Variants in RALYL observed in about 807,000 individuals in gnomAD.
RALYL encodes the protein RALY RNA binding protein like.
RALYL carries 29 observed loss-of-function variants against 35.1 expected under a neutral mutation model. The ratio of observed to expected loss-of-function variants is 0.83; its 90% CI spans 0.61 to 1.13. The LOEUF is 1.13. Among genes scored for constraint, RALYL ranks in the 50% most tolerant of loss-of-function variants. RALYL has a pLI of 0.00. For missense variants in RALYL, 359 were observed against 360.4 expected, an observed-to-expected ratio of 1.00 and a Z score of 0.03; for synonymous variants, 120 against 127.6, an observed-to-expected ratio of 0.94 and a Z score of 0.40.
chr8:84,727,822 C>T (rs1221195634), intron 2 of RALYL, among the ~76,000 whole-genome samples: 1 of 151,966 alleles, frequency 6.6e-6, no homozygotes, highest in African/African-American at 2.4e-5. Context: ...TTTATGGCTG[C>T]ATAGTATTCC....
intron 2 of RALYL, among the ~76,000 whole-genome samples, chr8:84,714,848 A>G (rs770723272): frequency 1.6e-4 from 24 of 152,002 alleles, no homozygotes; most frequent in Non-Finnish European, 2.8e-4. Context: ...AGTTGGCATT[A>G]AAAGCATAGG....
At chr8:84,747,075 A>C (rs1288856889) in intron 2 of RALYL, among the ~76,000 whole-genome samples, 1 of 151,912 alleles carries the variant, frequency 6.6e-6, no homozygotes, top group Admixed American at 6.6e-5. Context: ...GCAAGAGATA[A>C]ATTTTCAGTG....
Position 84,865,285 on chromosome 8 carries a change from G to T in RALYL, c.571+2832G>T, listed in dbSNP as rs143114875. ...TTAATATTGAAATAATTTGAATAAA[G>T]ATTTACTAAGGTATATAGCTTGCTC... is the stretch of plus-strand genomic sequence containing the variant. On this transcript the variant is annotated intron_variant, in intron 6 of 8. Coordinates refer to ENST00000521268, the MANE Select transcript of RALYL (RefSeq NM_173848.7). Among the ~76,000 whole-genome samples, 110 of 152,236 alleles carry T rather than the reference G, an allele frequency of 7.2e-4. No individual in the cohort carries two copies. In the East Asian group the frequency reaches 0.021, roughly 29 times the overall value.
chr8:84,600,436 A>G (rs1358295552), intron 2 of RALYL, among the ~76,000 whole-genome samples: 1 of 152,104 alleles, frequency 6.6e-6, no homozygotes, highest in African/African-American at 2.4e-5. Context: ...TCTTGTGACC[A>G]TCCACTTTCT....
intron 1 of RALYL, among the ~76,000 whole-genome samples, chr8:84,396,869 C>A (rs894555216): frequency 3.9e-5 from 6 of 152,048 alleles, no homozygotes; most frequent in African/African-American, 1.4e-4. Context: ...TGTAAATATT[C>A]TTCTAGTAAG....
chr8:84,234,902 C>A (rs949517313), intron 1 of RALYL, among the ~76,000 whole-genome samples: 3 of 151,736 alleles, frequency 2.0e-5, no homozygotes, highest in African/African-American at 7.3e-5. Context: ...ACAGCTGGGA[C>A]TACAGGTGGG....
At chr8:84,841,523 A>G (rs947925416) in intron 4 of RALYL, among the ~76,000 whole-genome samples, 3 of 152,200 alleles carry the variant, frequency 2.0e-5, no homozygotes, top group African/African-American at 7.2e-5. Context: ...ATAATGGGAG[A>G]CTTTAACACA....
intron 1 of RALYL, among the ~76,000 whole-genome samples, chr8:84,394,772 T>C (rs1039093333): frequency 2.0e-5 from 3 of 151,974 alleles, no homozygotes; most frequent in Admixed American, 6.6e-5. Flanking sequence ...CACCATTATA[T>C]GCAAAGGTTT....
chr8:84,869,854 TATC>T (rs1345896088), intron 6 of RALYL, among the ~76,000 whole-genome samples: 1 of 152,210 alleles, frequency 6.6e-6, no homozygotes, highest in Admixed American at 6.6e-5. Flanking sequence ...AGACAGATGA[TATC>T]ATCCCGTGTG....
intron 2 of RALYL, among the ~76,000 whole-genome samples, chr8:84,754,971 G>T (rs889058534): frequency 6.6e-6 from 1 of 152,162 alleles, no homozygotes; most frequent in African/African-American, 2.4e-5. Flanking sequence ...GCCCAAGTTT[G>T]CAGTCTTACA....
chr8:84,494,077 T>C (rs923865364), intron 1 of RALYL, among the ~76,000 whole-genome samples: 1 of 152,210 alleles, frequency 6.6e-6, no homozygotes, highest in Non-Finnish European at 1.5e-5. Context: ...AGTTAATTTT[T>C]GTATAAAGTG....
chr8:84,361,683 G>A (rs1853075970), intron 1 of RALYL, among the ~76,000 whole-genome samples: 1 of 152,080 alleles, frequency 6.6e-6, no homozygotes, highest in Admixed American at 6.6e-5. Flanking sequence ...CCAAATGTGG[G>A]GAAAGCAGGA....
chr8:84,673,572 G>A (rs1299991986), intron 2 of RALYL, among the ~76,000 whole-genome samples: 1 of 152,084 alleles, frequency 6.6e-6, no homozygotes, highest in African/African-American at 2.4e-5. Flanking sequence ...TAAGGAAGGG[G>A]TCCAGTTTTA....
intron 2 of RALYL, among the ~76,000 whole-genome samples, chr8:84,673,286 T>A (rs952292943): frequency 2.6e-5 from 4 of 152,202 alleles, no homozygotes; most frequent in African/African-American, 9.6e-5. Context: ...GTCAGATGGG[T>A]AAACTGCAAA....
intron 2 of RALYL, among the ~76,000 whole-genome samples, chr8:84,642,623 A>G (rs543845700): frequency 2.6e-5 from 4 of 152,176 alleles, no homozygotes; most frequent in African/African-American, 7.2e-5. Context: ...TGGGCATAAA[A>G]TAGGCCATAC....
At chr8:84,338,257 G>A (rs1202157010) in intron 1 of RALYL, among the ~76,000 whole-genome samples, 1 of 151,860 alleles carries the variant, frequency 6.6e-6, no homozygotes, top group Non-Finnish European at 1.5e-5. Context: ...AGAGATGAAT[G>A]TTAGTCACAG....
At chr8:84,322,352 A>G (rs1845022925) in intron 1 of RALYL, among the ~76,000 whole-genome samples, 1 of 152,112 alleles carries the variant, frequency 6.6e-6, no homozygotes, top group South Asian at 2.1e-4. Flanking sequence ...AAAAAATTAT[A>G]GGTAGGAGGA....
intron 1 of RALYL, among the ~76,000 whole-genome samples, chr8:84,466,935 T>C (rs1394276264): frequency 6.6e-6 from 1 of 151,986 alleles, no homozygotes; most frequent in Non-Finnish European, 1.5e-5. Flanking sequence ...TGCGTAGAGG[T>C]GTTTGTAGTA....
At chr8:84,523,215 G>T (rs1050685945) in intron 1 of RALYL, among the ~76,000 whole-genome samples, 4 of 151,902 alleles carry the variant, frequency 2.6e-5, no homozygotes, top group Non-Finnish European at 2.9e-5. Flanking sequence ...ATGGCGGAAG[G>T]TGAATGAAGA....
Sources: allele counts gnomAD v4.1 joint callset (sites outside exome capture counted in the v4.1 genomes callset), GRCh38; gene constraint gnomAD v4.1.1; transcripts MANE v1.5; gene names NCBI Gene and HGNC (gene_info 2026-07-23, HGNC 2026-07-21).